Variants in SNX14 observed in about 807,000 individuals in gnomAD.
SNX14 encodes sorting nexin 14, also known as sorting nexin-14.
SNX14 carries 93 observed loss-of-function variants against 133.8 expected under a neutral mutation model. The observed-to-expected ratio is 0.70, with a 90% CI of 0.59 to 0.83. The LOEUF (loss-of-function observed/expected upper bound fraction) is 0.83. Ranked by LOEUF, SNX14 falls within the 40% of genes least tolerant of loss-of-function variation. The pLI is 0.00. For synonymous variants in SNX14, 368 were observed against 365.6 expected, an observed-to-expected ratio of 1.01 and a Z score of -0.07; for missense variants, 945 against 1,094.9, an observed-to-expected ratio of 0.86 and a Z score of 1.93.
At chr6:85,526,590 G>C (rs1440082421) in intron 20 of SNX14, among the ~76,000 whole-genome samples, 1 of 152,136 alleles carries the variant, frequency 6.6e-6, no homozygotes, top group Non-Finnish European at 1.5e-5. Context: ...CACACAGGAA[G>C]TAAAACTAAA....
intron 28 of SNX14, 105 bp from the exon 29 acceptor site, chr6:85,506,110 T>C: frequency 2.7e-6 from 2 of 737,980 alleles, no homozygotes; most frequent in Non-Finnish European, 4.7e-6. Flanking sequence ...ACATATATAT[T>C]GTAAACCAAA....
chr6:85,593,713 C>A lies in SNX14; in HGVS notation c.6G>T (p.Val2=), dbSNP rs145209805. The change falls in exon 1 of 29, where the codon GTG becomes GTT. Residue 2 remains valine, a synonymous_variant. Coordinates refer to ENST00000314673, the MANE Select transcript of SNX14 (RefSeq NM_153816.6). Reference sequence around the variant, plus strand: ...TCTGCCCCATCGTCCGCACCCAGGGCACCATCTCCGTAACGGCGAGGCCGA... The same window carrying A: ...TCTGCCCCATCGTCCGCACCCAGGGAACCATCTCCGTAACGGCGAGGCCGA... M[V]PWVRTMGQKL... is the part of the protein sequence containing the mutation. 11 of 1,613,676 alleles carry A rather than the reference C, an allele frequency of 6.8e-6. No homozygotes were observed. The highest frequency in any genetic ancestry group is 7.6e-6 in the Non-Finnish European group (9 of 1,179,934).
chr6:85,564,188 T>A (rs1031127142), intron 6 of SNX14, among the ~76,000 whole-genome samples: 2 of 152,238 alleles, frequency 1.3e-5, no homozygotes, highest in Admixed American at 1.3e-4. Context: ...ACATTTGGGT[T>A]GGTTCCAAGT....
chr6:85,572,035 T>C (rs1279904457), intron 4 of SNX14, 102 bp downstream of exon 4: 2 of 888,488 alleles, frequency 2.3e-6, no homozygotes, highest in Non-Finnish European at 3.5e-6. Flanking sequence ...AAGTGACATG[T>C]ATTAAGATGC....
At chr6:85,532,348 A>G (rs1222954244) in intron 18 of SNX14, among the ~76,000 whole-genome samples, 1 of 152,258 alleles carries the variant, frequency 6.6e-6, no homozygotes, top group African/African-American at 2.4e-5. Context: ...AGACCTGGAC[A>G]GAAGATGCTG....
intron 1 of SNX14, among the ~76,000 whole-genome samples, chr6:85,586,572 ATT>A (rs951787654): frequency 1.3e-5 from 2 of 149,984 alleles, no homozygotes; most frequent in African/African-American, 4.9e-5. Flanking sequence ...TATGGAAGTG[ATT>A]TTTTTTTTAT....
In SNX14 at chr6:85,543,765, C is replaced by G. The variant is rs770622754; in HGVS notation, c.1109-5G>C. 6.7e-7 allele frequency: 1 copy of G among 1,501,518 alleles called. No individual in the cohort carries two copies. The highest frequency in any genetic ancestry group is 1.4e-5 in the South Asian group (1 of 71,710). 93.0% of individuals were successfully genotyped at this position (1,501,518 alleles called of 1,614,324 possible). On this transcript the variant is annotated splice_region_variant and splice_polypyrimidine_tract_variant and intron_variant, in intron 12 of 28. Coordinates refer to ENST00000314673, the MANE Select transcript of SNX14 (RefSeq NM_153816.6). Reference sequence around the variant, plus strand: ...AAATTCTATCATTAAATTCCTCTAACAAATGAGGGAATGAATAAGAAAAAA... The same window carrying G: ...AAATTCTATCATTAAATTCCTCTAAGAAATGAGGGAATGAATAAGAAAAAA...
At chr6:85,526,290 T>C (rs1382333475) in intron 20 of SNX14, 53 bp from the exon 21 acceptor site, 2 of 1,062,498 alleles carry the variant, frequency 1.9e-6, no homozygotes, top group East Asian at 5.2e-5. Context: ...AGAGGAGTAG[T>C]CAAAACTGTA....
chr6:85,567,377 A>C (rs1794220406), intron 5 of SNX14, among the ~76,000 whole-genome samples, 157 bp downstream of exon 5: 1 of 152,170 alleles, frequency 6.6e-6, no homozygotes, highest in Admixed American at 6.5e-5. Context: ...CATGTAATGC[A>C]CAGTACTGCC....
chr6:85,537,616 G>T (rs1222054728), intron 16 of SNX14, among the ~76,000 whole-genome samples: 1 of 152,148 alleles, frequency 6.6e-6, no homozygotes, highest in Non-Finnish European at 1.5e-5. Flanking sequence ...GCTACCCAAT[G>T]TTTCAGCAAT....
In SNX14 at chr6:85,530,154, G is replaced by A. The variant is rs560136967; in HGVS notation, c.1894+38C>T. On this transcript the variant is annotated intron_variant, in intron 19 of 28. Transcript: ENST00000314673. The stretch of plus-strand genomic sequence containing the variant: ...TGTCATAGTTTTAAAGAATGCTAAT[G>A]CTGAAATGTAATGTTTTATCCAAAA... 58 of 1,288,974 alleles carry A rather than the reference G, an allele frequency of 4.5e-5. 1 individual carries two copies. In the South Asian group the frequency reaches 7.2e-4, roughly 16 times the overall value. The allele number at this position is 1,288,974 out of a possible 1,614,324, so 79.8% of individuals were successfully genotyped here.
chr6:85,547,712 T>C (rs1786180480), intron 9 of SNX14, among the ~76,000 whole-genome samples, 162 bp from the exon 10 acceptor site: 1 of 152,230 alleles, frequency 6.6e-6, no homozygotes, highest in African/African-American at 2.4e-5. Context: ...GGAGTTTTTT[T>C]ACATCTACAA....
chr6:85,519,537 G>T (rs768825177), intron 21 of SNX14, among the ~76,000 whole-genome samples: 4 of 152,148 alleles, frequency 2.6e-5, no homozygotes, highest in Non-Finnish European at 5.9e-5. Context: ...GCTGAGGCAG[G>T]AAGGATCACT....
At position 85,530,279 on chromosome 6, in the gene SNX14, T is replaced by C. The variant is rs1779803996; in HGVS notation, c.1811-4A>G. On this transcript the variant is annotated splice_region_variant and splice_polypyrimidine_tract_variant and intron_variant, in intron 18 of 28. Transcript: ENST00000314673. ...CAATGTTCAGGCTCGTGTCCAACTG[T>C]AAATTGAGTACACACACACTGAGTA... 3.2e-6 allele frequency: 5 copies of C among 1,558,758 alleles called. No individual in the cohort carries two copies. The highest frequency in any genetic ancestry group is 3.5e-6 in the Non-Finnish European group (4 of 1,138,310).
At chr6:85,582,819 T>C (rs1341590737) in intron 1 of SNX14, among the ~76,000 whole-genome samples, 2 of 152,152 alleles carry the variant, frequency 1.3e-5, no homozygotes, top group African/African-American at 2.4e-5. Flanking sequence ...CCAGAAGGAT[T>C]CACAGCCAAA....
At position 85,522,908 on chromosome 6, in the gene SNX14, T is replaced by C. The variant is rs111742370; in HGVS notation, c.2107+3218A>G. Among the ~76,000 whole-genome samples, 657 of 152,314 alleles carry C rather than the reference T, an allele frequency of 4.3e-3. 7 individuals carry two copies. The highest frequency in any genetic ancestry group is 0.015 in the African/African-American group (625 of 41,564). ...CCCTCCAACTGGAATGATCTCCTTA[T>C]CTATCTCCTGCCGATTTCTATTAAT... On this transcript the variant is annotated intron_variant, in intron 21 of 28. Coordinates refer to ENST00000314673, the MANE Select transcript of SNX14 (RefSeq NM_153816.6).
At chr6:85,586,351 T>G (rs1278147938) in intron 1 of SNX14, among the ~76,000 whole-genome samples, 1 of 152,096 alleles carries the variant, frequency 6.6e-6, no homozygotes, top group Non-Finnish European at 1.5e-5. Context: ...ACCTAACACT[T>G]TACAGAAAAA....
chr6:85,510,915 T>C (rs1772572126), intron 26 of SNX14, among the ~76,000 whole-genome samples: 1 of 152,214 alleles, frequency 6.6e-6, no homozygotes, highest in Non-Finnish European at 1.5e-5. Flanking sequence ...CTGGGTCTTT[T>C]TGCCTCTCCA....
intron 26 of SNX14, among the ~76,000 whole-genome samples, chr6:85,512,359 C>A (rs924020556): frequency 6.6e-6 from 1 of 152,082 alleles, no homozygotes; most frequent in Non-Finnish European, 1.5e-5. Flanking sequence ...CGGTGGCTCA[C>A]GCCTGTAACC....
Sources: allele counts gnomAD v4.1 joint callset (sites outside exome capture counted in the v4.1 genomes callset), GRCh38; gene constraint gnomAD v4.1.1; transcripts MANE v1.5; gene names NCBI Gene and HGNC (gene_info 2026-07-23, HGNC 2026-07-21).